The following RBMS3 variants were observed in gnomAD, a reference collection of about 807,000 sequenced individuals.
The protein encoded by RBMS3 is RNA-binding motif, single-stranded-interacting protein 3.
A neutral mutation model predicts 66.8 loss-of-function variants in RBMS3; 27 were observed. That is an observed-to-expected ratio of 0.40 (90% CI 0.30 to 0.56). The LOEUF (loss-of-function observed/expected upper bound fraction) is 0.56, where lower values mean the gene tolerates loss of function less well. Ranked by LOEUF, RBMS3 falls within the 20% of genes least tolerant of loss-of-function variation. The pLI is 0.40. For missense variants in RBMS3, 513 were observed against 549.5 expected, an observed-to-expected ratio of 0.93 and a Z score of 0.66; for synonymous variants, 188 against 183.0, an observed-to-expected ratio of 1.03 and a Z score of -0.22.
chr3:29,626,230 G>C (rs1040969147), intron 4 of RBMS3, among the ~76,000 whole-genome samples: 5 of 152,138 alleles, frequency 3.3e-5, no homozygotes, highest in African/African-American at 1.2e-4. Context: ...CTCTGCGTTT[G>C]GGAGTCATTA....
At chr3:29,937,745 A>T (rs953524698) in intron 11 of RBMS3, among the ~76,000 whole-genome samples, 2 of 151,976 alleles carry the variant, frequency 1.3e-5, no homozygotes, top group Non-Finnish European at 2.9e-5. Context: ...GCTAATTTTC[A>T]TCATGGAGAT....
At chr3:29,287,472 G>C (rs2032449939) in intron 1 of RBMS3, among the ~76,000 whole-genome samples, 2 of 152,008 alleles carry the variant, frequency 1.3e-5, no homozygotes, top group African/African-American at 4.8e-5. Context: ...GCAACTTACA[G>C]ATGGCAAAAT....
At chr3:29,301,013 G>C (rs961732439) in intron 1 of RBMS3, among the ~76,000 whole-genome samples, 2 of 151,872 alleles carry the variant, frequency 1.3e-5, no homozygotes, top group African/African-American at 4.8e-5. Context: ...ATGATATGAA[G>C]ATTGGAAAAA....
At chr3:29,365,525 A>G (rs76786842) in intron 1 of RBMS3, among the ~76,000 whole-genome samples, 2 of 152,254 alleles carry the variant, frequency 1.3e-5, no homozygotes, top group East Asian at 1.9e-4. Context: ...TTGAAAAAAA[A>G]ATATTATTTC....
chr3:29,386,223 A>G (rs2039003090), intron 1 of RBMS3, among the ~76,000 whole-genome samples: 1 of 149,222 alleles, frequency 6.7e-6, no homozygotes. Context: ...CAGCATGACC[A>G]CTCGCTTACC....
chr3:29,398,647 G>A (rs886699185), intron 1 of RBMS3, among the ~76,000 whole-genome samples: 4 of 152,164 alleles, frequency 2.6e-5, no homozygotes, highest in Admixed American at 2.6e-4. Flanking sequence ...CACCATAACT[G>A]TTGGTGACCA....
At chr3:29,431,843 G>A (rs1238083055) in intron 1 of RBMS3, among the ~76,000 whole-genome samples, 4 of 151,834 alleles carry the variant, frequency 2.6e-5, no homozygotes, top group South Asian at 2.1e-4. Context: ...CTCCCACCTC[G>A]GCCTCCTGGA....
At chr3:29,885,670 T>G (rs1020419756) in intron 8 of RBMS3, among the ~76,000 whole-genome samples, 3 of 151,904 alleles carry the variant, frequency 2.0e-5, no homozygotes, top group Non-Finnish European at 4.4e-5. Context: ...GTTCAAAAAA[T>G]ACCTGTATGT....
chr3:29,591,899 A>G (rs1258058341), intron 4 of RBMS3, among the ~76,000 whole-genome samples: 1 of 152,146 alleles, frequency 6.6e-6, no homozygotes, highest in East Asian at 1.9e-4. Context: ...AAGGTGATTC[A>G]TTTCCAGTGG....
chr3:29,647,666 A>G (rs2049978199), intron 4 of RBMS3, among the ~76,000 whole-genome samples: 1 of 152,222 alleles, frequency 6.6e-6, no homozygotes, highest in Admixed American at 6.5e-5. Flanking sequence ...TATTCAGAGC[A>G]GGAGGTAACC....
chr3:29,846,709 A>C (rs1308012614), intron 6 of RBMS3, among the ~76,000 whole-genome samples: 1 of 152,226 alleles, frequency 6.6e-6, no homozygotes, highest in African/African-American at 2.4e-5. Context: ...AATGTGATAG[A>C]ATTTACAAAG....
At chr3:29,295,441 G>A (rs2033193893) in intron 1 of RBMS3, among the ~76,000 whole-genome samples, 1 of 148,998 alleles carries the variant, frequency 6.7e-6, no homozygotes, top group Admixed American at 6.8e-5. Context: ...TGCATATTTT[G>A]CATATCTAGG....
intron 6 of RBMS3, among the ~76,000 whole-genome samples, chr3:29,797,432 T>C (rs372776885): frequency 6.6e-6 from 1 of 152,324 alleles, no homozygotes; most frequent in East Asian, 1.9e-4. Flanking sequence ...GAAATGTAGC[T>C]AGTTTGATCT....
At chr3:29,443,354 C>G (rs2041698240) in intron 2 of RBMS3, among the ~76,000 whole-genome samples, 1 of 152,016 alleles carries the variant, frequency 6.6e-6, no homozygotes, top group African/African-American at 2.4e-5. Context: ...CTGCAGATAT[C>G]TTAAGGATTG....
chr3:29,529,432 GT>G (rs1361168886), intron 3 of RBMS3, among the ~76,000 whole-genome samples: 3 of 152,080 alleles, frequency 2.0e-5, no homozygotes, highest in Non-Finnish European at 4.4e-5. Context: ...TTGCATACAC[GT>G]TTTATAAATT....
At chr3:29,390,481 ACTC>A in intron 1 of RBMS3, among the ~76,000 whole-genome samples, 1 of 152,284 alleles carries the variant, frequency 6.6e-6, no homozygotes, top group South Asian at 2.1e-4. Flanking sequence ...GTTTTAATGT[ACTC>A]CTAAGAAAAA....
chr3:29,480,204 A>G (rs1014231315), intron 2 of RBMS3, among the ~76,000 whole-genome samples: 3 of 152,252 alleles, frequency 2.0e-5, no homozygotes, highest in African/African-American at 7.2e-5. Flanking sequence ...GATTTGTAAT[A>G]CAGTTGTTCT....
intron 3 of RBMS3, among the ~76,000 whole-genome samples, chr3:29,560,615 G>A (rs1219918481): frequency 1.3e-5 from 2 of 152,196 alleles, no homozygotes; most frequent in Non-Finnish European, 2.9e-5. Flanking sequence ...GTGGCCCCAA[G>A]TAGTTTGTTC....
intron 4 of RBMS3, among the ~76,000 whole-genome samples, chr3:29,599,730 G>A (rs916294560): frequency 9.9e-5 from 15 of 152,018 alleles, no homozygotes; most frequent in Admixed American, 2.0e-4. Context: ...CTAGCTCTTC[G>A]TATATATTCA....
Sources: allele counts gnomAD v4.1 joint callset (sites outside exome capture counted in the v4.1 genomes callset), GRCh38; gene constraint gnomAD v4.1.1; transcripts MANE v1.5; gene names NCBI Gene and HGNC (gene_info 2026-07-23, HGNC 2026-07-21).